The following NT5DC3 variants were observed in gnomAD, a reference collection of about 807,000 sequenced individuals.
NT5DC3 encodes 5'-nucleotidase domain-containing protein 3.
A neutral mutation model predicts 67.8 loss-of-function variants in NT5DC3; 42 were observed. The observed-to-expected ratio is 0.62, with a 90% CI of 0.48 to 0.80. The LOEUF (loss-of-function observed/expected upper bound fraction) is 0.80. Ranked by LOEUF, NT5DC3 falls within the 30% of genes least tolerant of loss-of-function variation. The pLI is 0.00. For synonymous variants in NT5DC3, 237 were observed against 255.6 expected, an observed-to-expected ratio of 0.93 and a Z score of 0.69; for missense variants, 570 against 696.4, an observed-to-expected ratio of 0.82 and a Z score of 2.04.
chr12:103,831,732 A>T (rs1887935200), intron 1 of NT5DC3, among the ~76,000 whole-genome samples: 1 of 145,402 alleles, frequency 6.9e-6, no homozygotes, highest in South Asian at 2.2e-4. Flanking sequence ...GAACAGTCAC[A>T]CCTTCAAGGC....
Position 103,814,983 on chromosome 12 carries a change from G to C in NT5DC3, c.347C>G (p.Thr116Arg). 6.2e-7 allele frequency: 1 copy of C among 1,613,558 alleles called. No homozygotes were observed. The highest frequency in any genetic ancestry group is 8.5e-7 in the Non-Finnish European group (1 of 1,179,708). Residue 116 changes from threonine to arginine, a missense_variant, in exon 2 of 14, where the codon ACG becomes AGG. Physicochemically the swap from Thr to Arg is moderately conservative, Grantham distance 71. Transcript: ENST00000392876. The part of the protein sequence containing the change: ...TLVFYSKHLH[T>R]LIFNAARDLL... ...GTCCCGTGCAGCATTAAATATCAGCGTGTGGAGGTGCTTTGAATAAAACAC... is the reference window on the plus strand; with the variant it reads ...GTCCCGTGCAGCATTAAATATCAGCCTGTGGAGGTGCTTTGAATAAAACAC...
At chr12:103,823,556 C>A (rs893450735) in intron 1 of NT5DC3, among the ~76,000 whole-genome samples, 5 of 151,964 alleles carry the variant, frequency 3.3e-5, no homozygotes, top group Non-Finnish European at 7.4e-5. Context: ...CTAATTGGAC[C>A]AAATCTCAAC....
chr12:103,798,692 T>C lies in NT5DC3; in HGVS notation c.525-15A>G, dbSNP rs138821427. The C allele has an allele frequency of 1.0e-5, 16 of 1,582,246 alleles. No individual in the cohort carries two copies. The highest frequency in any genetic ancestry group is 1.7e-4 in the Middle Eastern group (1 of 5,996). ...CACTGAGGCCTCTGGAAAAACCAGA[T>C]GGTGCAGTTAAAGAGCTCAACTAGA... On this transcript the variant is annotated splice_polypyrimidine_tract_variant and intron_variant, in intron 4 of 13. Coordinates refer to ENST00000392876, the MANE Select transcript of NT5DC3 (RefSeq NM_001031701.3).
At chr12:103,793,077 G>T in intron 9 of NT5DC3, 87 bp downstream of exon 9, 1 of 910,878 alleles carries the variant, frequency 1.1e-6, no homozygotes, top group South Asian at 1.5e-5. Flanking sequence ...TTATGATTTT[G>T]CAACTGGATT....
chr12:103,774,105 A>G lies in NT5DC3; in HGVS notation c.*3724T>C, dbSNP rs1022136649. 1 of 152,174 alleles carries G rather than the reference A, an allele frequency of 6.6e-6. No individual in the cohort carries two copies. The highest frequency in any genetic ancestry group is 2.4e-5 in the African/African-American group (1 of 41,432). The allele number at this position is 152,174 out of a possible 1,614,324, so 9.4% of individuals were successfully genotyped here. Reference sequence around the variant, plus strand: ...CGTAAAAACAACACTGGAAAAAGAAAATCAGCTGTGCAAGTCCCTTCCAAA... The same window carrying G: ...CGTAAAAACAACACTGGAAAAAGAAGATCAGCTGTGCAAGTCCCTTCCAAA... On this transcript the variant is annotated 3_prime_UTR_variant, in exon 14 of 14. Coordinates refer to ENST00000392876, the MANE Select transcript of NT5DC3 (RefSeq NM_001031701.3).
chr12:103,763,561 G>C, the NT5DC3 span: 15 of 1,614,086 alleles, frequency 9.3e-6, no homozygotes, highest in South Asian at 1.6e-4. Context: ...CCCCTTGTAT[G>C]AGAGCACAAC....
rs1246020480 is a variant in NT5DC3, at chr12:103,776,685, A to AC, written c.*1143_*1144insG. On this transcript the variant is annotated 3_prime_UTR_variant, in exon 14 of 14. Transcript: ENST00000392876. ...AAAACAAAACAAAACAAAAAAAAAA[A>AC]AAACAAACTACACAAACTCCCAAAT... 6.6e-6 allele frequency: 1 copy of AC among 151,994 alleles called. No homozygotes were observed. The highest frequency in any genetic ancestry group is 1.5e-5 in the Non-Finnish European group (1 of 68,004). 9.4% of individuals were successfully genotyped at this position (151,994 alleles called of 1,614,324 possible). A position where few individuals can be genotyped will look rare whatever the true frequency, so the allele number is the denominator to read the frequency against.
the NT5DC3 span, chr12:103,763,800 T>C: frequency 1.9e-6 from 1 of 525,470 alleles, no homozygotes; most frequent in Non-Finnish European, 3.4e-6. Flanking sequence ...CTGGGTTCTC[T>C]TGGGTAGACA....
At chr12:103,831,768 CT>C in intron 1 of NT5DC3, among the ~76,000 whole-genome samples, 2 of 136,966 alleles carry the variant, frequency 1.5e-5, no homozygotes, top group Non-Finnish European at 3.1e-5. Context: ...TTTCAGCATC[CT>C]CTTTTTTTTT....
In NT5DC3 at chr12:103,817,021, T is replaced by C. The variant is rs1367370546; in HGVS notation, c.209-1900A>G. ...CTGTTGAGAAATCAGTTTTTCATTT[T>C]CCATCCATAACAGCAAAAAGAAAAA... On this transcript the variant is annotated intron_variant, in intron 1 of 13. Transcript: ENST00000392876. Among the ~76,000 whole-genome samples, 3 of 148,662 alleles carry C rather than the reference T, an allele frequency of 2.0e-5. No homozygotes were observed. The Admixed American group carries it at 2.0e-4, about 10-fold the overall frequency.
the NT5DC3 span, chr12:103,755,813 C>T: frequency 8.5e-7 from 1 of 1,182,022 alleles, no homozygotes; most frequent in Admixed American, 1.7e-5. Flanking sequence ...AGGCCACAGT[C>T]ACAGTTAAGA....
Position 103,775,608 on chromosome 12 carries a change from A to G in NT5DC3, c.*2221T>C, listed in dbSNP as rs1316100960. The G allele has an allele frequency of 6.6e-6, 1 of 152,188 alleles. No homozygotes were observed. Among genetic ancestry groups the G allele is most frequent in the East Asian group, 1.9e-4 (1 of 5,192 alleles). 9.4% of individuals were successfully genotyped at this position (152,188 alleles called of 1,614,324 possible). A position where few individuals can be genotyped will look rare whatever the true frequency, so the allele number is the denominator to read the frequency against. ...CACACCCATTAAGTGTCAGCCTCCA[A>G]TACACCCTGATGGCGAAAACACCTA... On this transcript the variant is annotated 3_prime_UTR_variant, in exon 14 of 14. Transcript: ENST00000392876.
chr12:103,778,742 G>A (rs1296229890), intron 13 of NT5DC3, among the ~76,000 whole-genome samples: 1 of 152,046 alleles, frequency 6.6e-6, no homozygotes, highest in Non-Finnish European at 1.5e-5. Flanking sequence ...GGTGGTTGAG[G>A]CTGCAGTGAG....
chr12:103,764,674 G>A, the NT5DC3 span, among the ~76,000 whole-genome samples: 1 of 152,138 alleles, frequency 6.6e-6, no homozygotes, highest in Admixed American at 6.5e-5. Context: ...GTAAATCAAG[G>A]TAAATATCTT....
At chr12:103,756,709 A>C in the NT5DC3 span, among the ~76,000 whole-genome samples, 1 of 152,108 alleles carries the variant, frequency 6.6e-6, no homozygotes, top group Non-Finnish European at 1.5e-5. Context: ...CAGTGACCGC[A>C]GGAGGAAAGG....
intron 1 of NT5DC3, chr12:103,822,216 A>G (rs988095527): frequency 1.3e-5 from 2 of 152,066 alleles, no homozygotes; most frequent in East Asian, 1.9e-4. Context: ...TAAATCACGA[A>G]GAAAACTATT....
At position 103,780,290 on chromosome 12, in the gene NT5DC3, C is replaced by G; in HGVS notation, c.1394+10G>C. 6.2e-7 allele frequency: 1 copy of G among 1,612,110 alleles called. No homozygotes were observed. Among genetic ancestry groups the G allele is most frequent in the Non-Finnish European group, 8.5e-7 (1 of 1,178,154 alleles). On this transcript the variant is annotated intron_variant, in intron 13 of 13. Transcript: ENST00000392876. ...GGTGGACGCGCACATTCAATACAGG[C>G]CTCTCTTACCGCATCTCCTTCCTTT...
chr12:103,824,969 G>T (rs967893300), intron 1 of NT5DC3, among the ~76,000 whole-genome samples: 4 of 152,124 alleles, frequency 2.6e-5, no homozygotes, highest in African/African-American at 7.2e-5. Flanking sequence ...AGTGCACAGG[G>T]CACCACATGG....
At chr12:103,829,651 C>G (rs1887840923) in intron 1 of NT5DC3, among the ~76,000 whole-genome samples, 1 of 152,272 alleles carries the variant, frequency 6.6e-6, no homozygotes, top group South Asian at 2.1e-4. Flanking sequence ...CCATCACATT[C>G]TATGCTATTT....
Sources: gnomAD v4.1 joint callset for allele counts (sites outside exome capture counted in the v4.1 genomes callset) on GRCh38, gnomAD v4.1.1 for gene constraint, MANE v1.5 for transcripts, NCBI Gene and HGNC (gene_info 2026-07-23, HGNC 2026-07-21) for gene names.